CACNA1C: variants seen among roughly 807,000 people sequenced by gnomAD.
CACNA1C encodes voltage-dependent L-type calcium channel subunit alpha-1C.
In CACNA1C, 30 loss-of-function variants were observed where a neutral mutation model predicts 229.0. That is an observed-to-expected ratio of 0.13 (90% CI 0.10 to 0.18). The LOEUF is 0.18. CACNA1C is among the 10% of genes least tolerant of loss of function. The pLI, the probability that CACNA1C is intolerant of heterozygous loss-of-function variation, is 1.00. For synonymous variants in CACNA1C, 1,114 were observed against 1,132.5 expected, an observed-to-expected ratio of 0.98 and a Z score of 0.33; for missense variants, 1,658 against 2,845.0, an observed-to-expected ratio of 0.58 and a Z score of 9.49.
intron 3 of CACNA1C, among the ~76,000 whole-genome samples, chr12:2,264,436 C>T (rs960107125): frequency 5.3e-5 from 8 of 152,240 alleles, no homozygotes; most frequent in African/African-American, 1.9e-4. Context: ...GTTCAACTCC[C>T]TCCTCTTACA....
intron 3 of CACNA1C, among the ~76,000 whole-genome samples, chr12:2,436,686 T>C (rs2099138083): frequency 6.6e-6 from 1 of 152,190 alleles, no homozygotes; most frequent in Non-Finnish European, 1.5e-5. Flanking sequence ...AAATGGCTGA[T>C]AAGGGGTGGA....
At chr12:2,218,582 T>C (rs2060591602) in intron 3 of CACNA1C, among the ~76,000 whole-genome samples, 1 of 152,162 alleles carries the variant, frequency 6.6e-6, no homozygotes, top group Non-Finnish European at 1.5e-5. Context: ...CAGCGCATCT[T>C]TCAGCTGCCA....
chr12:2,374,613 AC>A (rs2097980589), intron 3 of CACNA1C, among the ~76,000 whole-genome samples: 1 of 152,170 alleles, frequency 6.6e-6, no homozygotes, highest in Non-Finnish European at 1.5e-5. Flanking sequence ...GCTGGCTTAC[AC>A]CCACATAGCA....
rs576527350 is a variant in CACNA1C, at chr12:2,436,368, G to A, written c.478-12608G>A. The stretch of plus-strand genomic sequence containing the variant: ...CTGTAGATCTGAGGCTGTTGAAGGG[G>A]CCTCTTCTCCGCCTCCTCACCCCGG... On this transcript the variant is annotated intron_variant, in intron 3 of 46. Coordinates refer to ENST00000399655, the MANE Select transcript of CACNA1C (RefSeq NM_000719.7). Among the ~76,000 whole-genome samples, 5 of 152,228 alleles carry A rather than the reference G, an allele frequency of 3.3e-5. No homozygotes were observed. In the East Asian group the frequency reaches 9.7e-4, roughly 29 times the overall value.
intron 9 of CACNA1C, among the ~76,000 whole-genome samples, chr12:2,526,528 C>A (rs1341077073): frequency 1.3e-5 from 2 of 152,254 alleles, no homozygotes; most frequent in African/African-American, 4.8e-5. Context: ...AAACACCTGG[C>A]TTTGAGCCGA....
chr12:2,651,376 A>C lies in CACNA1C; in HGVS notation c.3946-264A>C. 3.6e-6 allele frequency: 2 copies of C among 559,620 alleles called. No homozygotes were observed. Among genetic ancestry groups the C allele is most frequent in the Non-Finnish European group, 3.2e-6 (1 of 314,840 alleles). The allele number at this position is 559,620 out of a possible 1,614,324, so 34.7% of individuals were successfully genotyped here. A position where few individuals can be genotyped will look rare whatever the true frequency, so the allele number is the denominator to read the frequency against. ...CCATCCAGGGCATTAAGAACTAGGA[A>C]TGAAGGGGAATCGGGGAGAATAAAA... On this transcript the variant is annotated intron_variant, in intron 31 of 46. Transcript: ENST00000399655. The surrounding 1 kb of genome is among the most constrained non-coding windows in gnomAD (Gnocchi z 5.4).
intron 3 of CACNA1C, among the ~76,000 whole-genome samples, chr12:2,248,433 T>G (rs1427281685): frequency 6.6e-6 from 1 of 152,218 alleles, no homozygotes; most frequent in East Asian, 1.9e-4. Flanking sequence ...GCCGCCTCAC[T>G]GGGCTCCATT....
chr12:1,986,935 C>G (rs2037961360), intron 1 of CACNA1C, among the ~76,000 whole-genome samples: 1 of 152,242 alleles, frequency 6.6e-6, no homozygotes, highest in Non-Finnish European at 1.5e-5. Flanking sequence ...AGTTCAATCC[C>G]TTTTTGCTAT....
chr12:2,629,246 G>A (rs2089046380), intron 29 of CACNA1C, among the ~76,000 whole-genome samples: 1 of 152,228 alleles, frequency 6.6e-6, no homozygotes, highest in African/African-American at 2.4e-5. Flanking sequence ...CAGAGGGCTT[G>A]GGAAGTGTTC....
At chr12:2,305,007 T>C (rs1283657459) in intron 3 of CACNA1C, among the ~76,000 whole-genome samples, 3 of 152,122 alleles carry the variant, frequency 2.0e-5, no homozygotes, top group African/African-American at 7.2e-5. Context: ...TGTGCGGGTG[T>C]TTGCAGGATG....
intron 3 of CACNA1C, among the ~76,000 whole-genome samples, chr12:2,311,163 C>A (rs1348347243): frequency 6.6e-6 from 1 of 152,218 alleles, no homozygotes; most frequent in Non-Finnish European, 1.5e-5. Flanking sequence ...AGTGTCACCT[C>A]ATCTCTGTCT....
rs1354296650 is a variant in CACNA1C at position 2,319,637 on chromosome 12, ATCT to A, written c.478-129333_478-129331del. 6.6e-6 allele frequency among the ~76,000 whole-genome samples: 1 copy of A among 152,154 alleles called. No homozygotes were observed. On this transcript the variant is annotated intron_variant, in intron 3 of 46. Coordinates refer to ENST00000399655, the MANE Select transcript of CACNA1C (RefSeq NM_000719.7). The surrounding 1 kb of genome is among the most constrained non-coding windows in gnomAD (Gnocchi z 4.0). ...TCCACACACCCTCCGGGCAGACCTC[ATCT>A]TCTTCAGACATTTCTTTTACTCTTT...
At chr12:2,041,697 G>A (rs927505866) in intron 1 of CACNA1C, among the ~76,000 whole-genome samples, 5 of 152,236 alleles carry the variant, frequency 3.3e-5, no homozygotes, top group Non-Finnish European at 7.3e-5. Context: ...TCAAGATCAT[G>A]TTGGGGATAG....
intron 3 of CACNA1C, among the ~76,000 whole-genome samples, chr12:2,338,112 C>G (rs2096754805): frequency 6.6e-6 from 1 of 152,138 alleles, no homozygotes; most frequent in Non-Finnish European, 1.5e-5. Flanking sequence ...TTCCTACAGC[C>G]AGGCAGGACT....
intron 3 of CACNA1C, among the ~76,000 whole-genome samples, chr12:2,352,717 C>T (rs1230247166): frequency 6.6e-6 from 1 of 151,576 alleles, no homozygotes; most frequent in African/African-American, 2.4e-5. Flanking sequence ...TGAATTAGCA[C>T]TGCATTACTT....
At chr12:2,306,847 T>A (rs2095065541) in intron 3 of CACNA1C, among the ~76,000 whole-genome samples, 1 of 152,190 alleles carries the variant, frequency 6.6e-6, no homozygotes, top group South Asian at 2.1e-4. Context: ...CCCCTTCCCC[T>A]CCATCTCACA....
chr12:2,432,340 G>A (rs117706754), intron 3 of CACNA1C, among the ~76,000 whole-genome samples: 2 of 152,270 alleles, frequency 1.3e-5, no homozygotes, highest in East Asian at 3.9e-4. Context: ...GGAGGGTGAC[G>A]TTCTTCGCAT....
At chr12:2,382,202 C>T (rs1305038762) in intron 3 of CACNA1C, among the ~76,000 whole-genome samples, 1 of 152,322 alleles carries the variant, frequency 6.6e-6, no homozygotes, top group East Asian at 1.9e-4. Flanking sequence ...TTAGCAGTTT[C>T]TGTTACTTTG....
At chr12:2,446,496 G>A (rs1322210000) in intron 3 of CACNA1C, among the ~76,000 whole-genome samples, 2 of 145,790 alleles carry the variant, frequency 1.4e-5, no homozygotes, top group Non-Finnish European at 3.0e-5. Flanking sequence ...GGGTGCGTCA[G>A]TGGGTGGATG....
Sources: gnomAD v4.1 joint callset for allele counts (sites outside exome capture counted in the v4.1 genomes callset) on GRCh38, gnomAD v4.1.1 for gene constraint, Gnocchi (gnomAD v3.1) non-coding constraint, MANE v1.5 for transcripts, NCBI Gene and HGNC (gene_info 2026-07-23, HGNC 2026-07-21) for gene names.